Variants in MICALL1 observed in about 807,000 individuals in gnomAD.
MICALL1 encodes MICAL-like protein 1.
A neutral mutation model predicts 83.7 loss-of-function variants in MICALL1; 61 were observed. The observed-to-expected ratio is 0.73, with a 90% CI of 0.59 to 0.90. MICALL1 has a LOEUF of 0.90. Ranked by LOEUF, MICALL1 falls within the 40% of genes least tolerant of loss-of-function variation. The probability of loss-of-function intolerance (pLI) is 0.00; values close to 1 mark genes in which losing one functional copy is unlikely to be tolerated. For synonymous variants in MICALL1, 481 were observed against 473.6 expected, an observed-to-expected ratio of 1.02 and a Z score of -0.20; for missense variants, 1,066 against 1,152.0, an observed-to-expected ratio of 0.93 and a Z score of 1.08.
At chr22:37,910,745 G>T (rs1928266051) in intron 1 of MICALL1, among the ~76,000 whole-genome samples, 1 of 152,240 alleles carries the variant, frequency 6.6e-6, no homozygotes, top group Non-Finnish European at 1.5e-5. Flanking sequence ...GGGGGCAGGA[G>T]GAGGGGGCTG....
chr22:37,906,633 C>A lies in MICALL1; in HGVS notation c.146+65C>A, dbSNP rs564881519. 7 of 1,132,566 alleles carry A rather than the reference C, an allele frequency of 6.2e-6. No individual in the cohort carries two copies. The highest frequency in any genetic ancestry group is 7.4e-4 in the Middle Eastern group (2 of 2,690). The allele number at this position is 1,132,566 out of a possible 1,614,324, so 70.2% of individuals were successfully genotyped here. ...GGCTGGGGCCGCGACCGCCGCCCCC[C>A]CTCAGTAACACGAAGCCCGGGCGGT... On this transcript the variant is annotated intron_variant, in intron 1 of 15. Coordinates refer to ENST00000215957, the MANE Select transcript of MICALL1 (RefSeq NM_033386.4). The surrounding 1 kb of genome is among the most constrained non-coding windows in gnomAD (Gnocchi z 4.4).
At chr22:37,927,338 T>C in intron 8 of MICALL1, 73 bp from the exon 9 acceptor site, 1 of 1,433,302 alleles carries the variant, frequency 7.0e-7, no homozygotes, top group Admixed American at 2.5e-5. Context: ...CTGTTGAGAG[T>C]GGAGCCGGGA....
chr22:37,935,386 G>GTGTAAC (rs1569149671), intron 13 of MICALL1, among the ~76,000 whole-genome samples: 1 of 138,544 alleles, frequency 7.2e-6, no homozygotes, highest in African/African-American at 2.7e-5. Flanking sequence ...TCAGCCTCCC[G>GTGTAAC]TGTAGCTGGG....
Position 37,930,918 on chromosome 22 carries a change from G to A in MICALL1, c.1882-881G>A, listed in dbSNP as rs1929753555. On this transcript the variant is annotated intron_variant, in intron 9 of 15. Coordinates refer to ENST00000215957, the MANE Select transcript of MICALL1 (RefSeq NM_033386.4). This position sits in a 1 kb window ranked among gnomAD's most constrained non-coding sequence, Gnocchi z 4.8. ...TCCCCAGCGGGGAGAGGGTGGTTAT[G>A]AGGCCTGAATGAACTACCATAGCTC... Among the ~76,000 whole-genome samples the A allele has an allele frequency of 6.6e-6, 1 of 152,212 alleles. No homozygotes were observed. Among genetic ancestry groups the A allele is most frequent in the Admixed American group, 6.5e-5 (1 of 15,286 alleles).
intron 13 of MICALL1, among the ~76,000 whole-genome samples, chr22:37,934,746 G>A (rs1929997706): frequency 6.6e-6 from 1 of 150,396 alleles, no homozygotes; most frequent in East Asian, 2.0e-4. Flanking sequence ...ACAGGCGCCT[G>A]CCACCACGCC....
intron 15 of MICALL1, among the ~76,000 whole-genome samples, chr22:37,938,160 G>A (rs1930237573): frequency 1.3e-5 from 2 of 152,046 alleles, no homozygotes; most frequent in Non-Finnish European, 2.9e-5. Flanking sequence ...GGGACCAAGT[G>A]GTGCTTGAAA....
At position 37,910,752 on chromosome 22, in the gene MICALL1, G is replaced by T. The variant is rs569515673; in HGVS notation, c.147-1200G>T. On this transcript the variant is annotated intron_variant, in intron 1 of 15. Coordinates refer to ENST00000215957, the MANE Select transcript of MICALL1 (RefSeq NM_033386.4). ...AAAGTGTTGGGGGCAGGAGGAGGGG[G>T]CTGTGCTTACCTGGCTCCCTCATAT... Among the ~76,000 whole-genome samples the T allele has an allele frequency of 2.9e-3, 435 of 152,350 alleles. 3 individuals carry two copies. The highest frequency in any genetic ancestry group is 4.6e-3 in the Non-Finnish European group (314 of 68,030).
intron 13 of MICALL1, among the ~76,000 whole-genome samples, chr22:37,934,263 T>C (rs1929961648): frequency 6.6e-6 from 1 of 152,186 alleles, no homozygotes; most frequent in Admixed American, 6.5e-5. Flanking sequence ...CAGTACACCA[T>C]GAGGGCCATT....
At position 37,932,667 on chromosome 22, in the gene MICALL1, G is replaced by C; in HGVS notation, c.2131G>C (p.Gly711Arg). 1 of 1,613,960 alleles carries C rather than the reference G, an allele frequency of 6.2e-7. No homozygotes were observed. The highest frequency in any genetic ancestry group is 8.5e-7 in the Non-Finnish European group (1 of 1,179,964). The change falls in exon 11 of 16, where the codon GGC becomes CGC. Residue 711 changes from glycine (G) to arginine (R), a missense_variant. Gly to Arg is a moderately radical substitution (Grantham distance 125). Coordinates refer to ENST00000215957, the MANE Select transcript of MICALL1 (RefSeq NM_033386.4). This position sits in a 1 kb window ranked among gnomAD's most constrained non-coding sequence, Gnocchi z 4.4. ...GGTGCTGCTGGAGGAGAAGCTGCGTGGCGGCCTGAATGGTGCGGGAGCGGC... is the reference window on the plus strand; with the variant it reads ...GGTGCTGCTGGAGGAGAAGCTGCGTCGCGGCCTGAATGGTGCGGGAGCGGC... ...RGVLLEEKLR[G>R]GLNEGREDDM...
chr22:37,921,795 A>G (rs1029456137), intron 5 of MICALL1, among the ~76,000 whole-genome samples, 177 bp from the exon 6 acceptor site: 2 of 152,126 alleles, frequency 1.3e-5, no homozygotes, highest in East Asian at 3.9e-4. Flanking sequence ...TTGTTCCACT[A>G]TGCTTCTGAC....
rs1927957888 is a variant in MICALL1 at position 37,906,573 on chromosome 22, G to GTCC, written c.146+6_146+7insCCT. 5 of 1,169,838 alleles carry GTCC rather than the reference G, an allele frequency of 4.3e-6. No individual in the cohort carries two copies. The highest frequency in any genetic ancestry group is 1.6e-5 in the African/African-American group (1 of 61,638). 72.5% of individuals were successfully genotyped at this position (1,169,838 alleles called of 1,614,324 possible). On this transcript the variant is annotated splice_donor_region_variant and intron_variant, in intron 1 of 15. Coordinates refer to ENST00000215957, the MANE Select transcript of MICALL1 (RefSeq NM_033386.4). The surrounding 1 kb of genome is among the most constrained non-coding windows in gnomAD (Gnocchi z 4.4). ...CCGGCACCGGCCCGACCTGCTGTGAGTGCGGGGCCCCGGGCGAGCGGGCGG... is the reference window on the plus strand; with the variant it reads ...CCGGCACCGGCCCGACCTGCTGTGAGTCCTGCGGGGCCCCGGGCGAGCGGGCGG...
At chr22:37,923,475 G>A (rs964224155) in intron 6 of MICALL1, among the ~76,000 whole-genome samples, 13 of 152,190 alleles carry the variant, frequency 8.5e-5, no homozygotes, top group African/African-American at 2.2e-4. Context: ...TGATCTGCCC[G>A]CCTTGGCCTC....
At chr22:37,927,904 A>C in intron 9 of MICALL1, 78 bp downstream of exon 9, 3 of 1,447,308 alleles carry the variant, frequency 2.1e-6, no homozygotes, top group Non-Finnish European at 2.8e-6. Flanking sequence ...AGAAATGTCC[A>C]GGGCCTTTTC....
rs781508460 is a variant in MICALL1, at chr22:37,925,787, G to C, written c.1209G>C (p.Glu403Asp). The stretch of plus-strand genomic sequence containing the variant: ...CAAGCCAGGACAGCAGGCAGGTGGA[G>C]AATGGAGGCACCGAGGAGGTGGCCC... ...GPPSQDSRQV[E>D]NGGTEEVAQP... is the part of the protein sequence containing the mutation. The change falls in exon 8 of 16, where the codon GAG becomes GAC. Residue 403 changes from glutamate (E) to aspartate (D), a missense_variant. Physicochemically the swap from Glu to Asp is conservative, Grantham distance 45 (BLOSUM62 2). Coordinates refer to ENST00000215957, the MANE Select transcript of MICALL1 (RefSeq NM_033386.4). The C allele has an allele frequency of 1.2e-6, 2 of 1,613,540 alleles. No homozygotes were observed. The highest frequency in any genetic ancestry group is 1.7e-6 in the Non-Finnish European group (2 of 1,179,986).
rs1927933263 is a variant in MICALL1, at chr22:37,906,325, C to G, written c.-98C>G. The G allele has an allele frequency of 2.2e-6, 2 of 898,620 alleles. No individual in the cohort carries two copies. Among genetic ancestry groups the G allele is most frequent in the Non-Finnish European group, 2.7e-6 (2 of 750,086 alleles). The allele number at this position is 898,620 out of a possible 1,614,324, so 55.7% of individuals were successfully genotyped here. A position where few individuals can be genotyped will look rare whatever the true frequency, so the allele number is the denominator to read the frequency against. On this transcript the variant is annotated 5_prime_UTR_variant, in exon 1 of 16. Transcript: ENST00000215957. This position sits in a 1 kb window ranked among gnomAD's most constrained non-coding sequence, Gnocchi z 4.4. ...TGCCGGTCGGCGCCCGAGCTCGGAG[C>G]CGCAGCCGCAGCCGGAAACCGGGCC...
chr22:37,932,590 A>T lies in MICALL1; in HGVS notation c.2054A>T (p.His685Leu), dbSNP rs34834842. The part of the protein sequence containing the change: ...ADQYIPEEDI[H>L]GEMDTIERRL... ...CAGTACATCCCTGAGGAGGACATCCATGGAGAGATGGATACCATTGAGCGC... is the reference window on the plus strand; with the variant it reads ...CAGTACATCCCTGAGGAGGACATCCTTGGAGAGATGGATACCATTGAGCGC... Residue 685 changes from histidine (H) to leucine (L), a missense_variant, in exon 11 of 16, where the codon CAT (histidine) becomes CTT (leucine). Physicochemically the swap from His to Leu is moderately conservative, Grantham distance 99. Transcript: ENST00000215957. The surrounding 1 kb of genome is among the most constrained non-coding windows in gnomAD (Gnocchi z 4.4). The T allele has an allele frequency of 2.5e-6, 4 of 1,614,164 alleles. No homozygotes were observed. The highest frequency in any genetic ancestry group is 3.4e-6 in the Non-Finnish European group (4 of 1,180,012).
In MICALL1 at chr22:37,932,525, C is replaced by T. The variant is rs901204472; in HGVS notation, c.2017-28C>T. On this transcript the variant is annotated intron_variant, in intron 10 of 15. Transcript: ENST00000215957. This position sits in a 1 kb window ranked among gnomAD's most constrained non-coding sequence, Gnocchi z 4.4. ...GGCTCCTGGCAGCAACCAGGCAGGC[C>T]GTCAGGTGACCAGGCACTGTTGGGC... 6.2e-6 allele frequency: 10 copies of T among 1,611,654 alleles called. No homozygotes were observed. Among genetic ancestry groups the T allele is most frequent in the East Asian group, 4.5e-5 (2 of 44,834 alleles).
chr22:37,918,063 T>C (rs1928788477), intron 4 of MICALL1, among the ~76,000 whole-genome samples: 1 of 152,192 alleles, frequency 6.6e-6, no homozygotes. Flanking sequence ...AGATGCCAGC[T>C]CTGGCAAGGG....
chr22:37,940,578 C>T, intron 15 of MICALL1, 131 bp from the exon 16 acceptor site: 1 of 1,110,152 alleles, frequency 9.0e-7, no homozygotes, highest in African/African-American at 1.6e-5. Context: ...CCCTCCCAGG[C>T]TCCACACAGG....
Sources: allele counts gnomAD v4.1 joint callset (sites outside exome capture counted in the v4.1 genomes callset), GRCh38; gene constraint gnomAD v4.1.1; non-coding constraint Gnocchi (gnomAD v3.1); transcripts MANE v1.5; gene names NCBI Gene and HGNC (gene_info 2026-07-23, HGNC 2026-07-21).